EML6: variants seen among roughly 807,000 people sequenced by gnomAD.
EML6 encodes echinoderm microtubule-associated protein-like 6.
A neutral mutation model predicts 240.1 loss-of-function variants in EML6; 154 were observed. That is an observed-to-expected ratio of 0.64 (90% confidence interval 0.56 to 0.73). EML6 has a LOEUF of 0.73. Ranked by LOEUF, EML6 falls within the 30% of genes least tolerant of loss-of-function variation. The pLI, the probability that EML6 is intolerant of heterozygous loss-of-function variation, is 0.00. For missense variants in EML6, 2,964 were observed against 2,474.6 expected (o/e 1.20, Z -4.20); for synonymous variants, 1,148 against 899.0 (o/e 1.28, Z -4.95).
chr2:54,847,227 C>G (rs1246253809), intron 8 of EML6, among the ~76,000 whole-genome samples: 1 of 151,406 alleles, frequency 6.6e-6, no homozygotes, highest in Non-Finnish European at 1.5e-5. Flanking sequence ...TTTTTTTGTT[C>G]TGTGAATCTC....
chr2:54,766,369 C>G (rs187784387), intron 2 of EML6, among the ~76,000 whole-genome samples: 1 of 152,196 alleles, frequency 6.6e-6, no homozygotes, highest in East Asian at 1.9e-4. Context: ...CTTTCTTTGT[C>G]TTTCATAACC....
chr2:54,739,732 G>A (rs961060086), intron 2 of EML6, among the ~76,000 whole-genome samples: 2 of 152,218 alleles, frequency 1.3e-5, no homozygotes, highest in Non-Finnish European at 2.9e-5. Context: ...GGAGGCGGTT[G>A]GTGGTTAGGG....
At chr2:54,877,830 G>T (rs1269204345) in intron 16 of EML6, among the ~76,000 whole-genome samples, 1 of 152,232 alleles carries the variant, frequency 6.6e-6, no homozygotes, top group African/African-American at 2.4e-5. Context: ...ATACTTCGTA[G>T]TGATGGAGGG....
chr2:54,769,706 G>A (rs1008175186), intron 2 of EML6, among the ~76,000 whole-genome samples: 5 of 152,142 alleles, frequency 3.3e-5, no homozygotes, highest in African/African-American at 1.2e-4. Context: ...ACGTCCAAGA[G>A]TTTTCTTCTG....
At chr2:54,756,926 C>T (rs1292416290) in intron 2 of EML6, among the ~76,000 whole-genome samples, 1 of 151,810 alleles carries the variant, frequency 6.6e-6, no homozygotes, top group Admixed American at 6.6e-5. Context: ...TTTGAGACCT[C>T]CTGGATCTGT....
intron 16 of EML6, among the ~76,000 whole-genome samples, chr2:54,872,020 T>C (rs1310622338): frequency 2.0e-5 from 3 of 152,188 alleles, no homozygotes; most frequent in Non-Finnish European, 2.9e-5. Flanking sequence ...TCACTTCTGA[T>C]TGAAAATACA....
At chr2:54,768,020 A>G (rs1039285077) in intron 2 of EML6, among the ~76,000 whole-genome samples, 1 of 152,134 alleles carries the variant, frequency 6.6e-6, no homozygotes, top group Non-Finnish European at 1.5e-5. Context: ...AGAGTGTGGA[A>G]TTGTTGTCTA....
At chr2:54,904,937 C>T (rs1673240325) in intron 24 of EML6, among the ~76,000 whole-genome samples, 1 of 152,204 alleles carries the variant, frequency 6.6e-6, no homozygotes, top group African/African-American at 2.4e-5. Flanking sequence ...ACTTGCCACA[C>T]TGGAATTTGG....
intron 11 of EML6, among the ~76,000 whole-genome samples, chr2:54,857,183 G>T (rs1473308473): frequency 6.6e-6 from 1 of 152,184 alleles, no homozygotes; most frequent in Non-Finnish European, 1.5e-5. Flanking sequence ...TGTAAGTTAG[G>T]GGCCCGTACT....
chr2:54,831,615 C>G (rs183221899), intron 7 of EML6, among the ~76,000 whole-genome samples: 1 of 152,358 alleles, frequency 6.6e-6, no homozygotes, highest in Non-Finnish European at 1.5e-5. Flanking sequence ...CAAGCCTGCA[C>G]CTCATAGGAT....
chr2:54,930,439 T>G (rs1674791576), intron 28 of EML6, among the ~76,000 whole-genome samples: 1 of 152,082 alleles, frequency 6.6e-6, no homozygotes, highest in Non-Finnish European at 1.5e-5. Context: ...AAATTCAGAA[T>G]TTTCATGCTA....
At chr2:54,782,618 C>T (rs1668900226) in intron 2 of EML6, among the ~76,000 whole-genome samples, 1 of 150,104 alleles carries the variant, frequency 6.7e-6, no homozygotes, top group South Asian at 2.1e-4. Flanking sequence ...ATGAATGTGT[C>T]TAATCAAATC....
At chr2:54,797,186 A>AAAAC (rs1669859304) in intron 2 of EML6, among the ~76,000 whole-genome samples, 6 of 149,388 alleles carry the variant, frequency 4.0e-5, no homozygotes, top group African/African-American at 1.5e-4. Context: ...AAAAAAAAAA[A>AAAAC]AAACTGTGAT....
At position 54,960,230 on chromosome 2, in the gene EML6, G is replaced by A; in HGVS notation, c.4864G>A (p.Gly1622Arg). The A allele has an allele frequency of 1.3e-6, 2 of 1,551,110 alleles. No homozygotes were observed. The highest frequency in any genetic ancestry group is 2.4e-5 in the South Asian group (2 of 84,048). The part of the protein sequence containing the change: ...TGGKERPTKE[G>R]GAVKLWDQEM... ...TTCAATCTTTTTTAGGACCAAAGAA[G>A]GAGGTGCTGTAAAATTGTGGGACCA... The change falls in exon 35 of 42, where the codon GGA becomes AGA. Residue 1622 changes from glycine (G) to arginine (R), a missense_variant. Coordinates refer to ENST00000356458, the MANE Select transcript of EML6 (RefSeq NM_001039753.4).
At chr2:54,797,573 C>T (rs576625165) in intron 2 of EML6, among the ~76,000 whole-genome samples, 1 of 151,912 alleles carries the variant, frequency 6.6e-6, no homozygotes, top group South Asian at 2.1e-4. Context: ...TTGTAGTCTA[C>T]TAAGTGTGCA....
intron 2 of EML6, among the ~76,000 whole-genome samples, chr2:54,782,436 T>C (rs943299338): frequency 3.3e-5 from 5 of 152,184 alleles, no homozygotes; most frequent in Non-Finnish European, 7.4e-5. Context: ...GAAAAAGACA[T>C]GATTTTCCTA....
chr2:54,758,885 G>A (rs928509711), intron 2 of EML6, among the ~76,000 whole-genome samples: 2 of 151,982 alleles, frequency 1.3e-5, no homozygotes, highest in South Asian at 2.1e-4. Flanking sequence ...GTAGGGTAAT[G>A]CAGGGGTGCT....
chr2:54,884,876 A>C (rs1232114119), intron 17 of EML6, among the ~76,000 whole-genome samples: 2 of 152,224 alleles, frequency 1.3e-5, no homozygotes, highest in East Asian at 3.8e-4. Context: ...ATTTTCCTCC[A>C]ATCAAGAAAT....
At chr2:54,852,329 G>T (rs1054615046) in intron 10 of EML6, among the ~76,000 whole-genome samples, 2 of 152,172 alleles carry the variant, frequency 1.3e-5, no homozygotes, top group African/African-American at 4.8e-5. Flanking sequence ...ATTCTTCAGT[G>T]TACCATTGCA....
Sources: gnomAD v4.1 joint callset for allele counts (sites outside exome capture counted in the v4.1 genomes callset) on GRCh38, gnomAD v4.1.1 for gene constraint, MANE v1.5 for transcripts, NCBI Gene and HGNC (gene_info 2026-07-23, HGNC 2026-07-21) for gene names.